Variants in PCDH11X observed in about 807,000 individuals in gnomAD.
PCDH11X encodes the protein protocadherin-11 X-linked.
PCDH11X carries 18 observed loss-of-function variants against 53.3 expected under a neutral mutation model. That is an observed-to-expected ratio of 0.34 (90% confidence interval 0.23 to 0.50). The LOEUF (loss-of-function observed/expected upper bound fraction) is 0.50, where lower values mean the gene tolerates loss of function less well. Among genes scored for constraint, PCDH11X ranks in the 20% least tolerant of loss-of-function variants. The probability of loss-of-function intolerance (pLI) is 0.98; values close to 1 mark genes in which losing one functional copy is unlikely to be tolerated. For missense variants in PCDH11X, 570 were observed against 1,032.4 expected (o/e 0.55, Z 6.14); for synonymous variants, 279 against 393.3 (o/e 0.71, Z 3.44).
chrX:91,999,797 T>C (rs1056981840), intron 6 of PCDH11X, among the ~76,000 whole-genome samples: 5 of 110,889 alleles, frequency 4.5e-5, no homozygotes, highest in Non-Finnish European at 9.4e-5. Context: ...GGCATATTTT[T>C]CTTTTTCATT....
intron 7 of PCDH11X, among the ~76,000 whole-genome samples, chrX:92,220,992 T>G (rs1284014674): frequency 1.1e-5 from 1 of 88,983 alleles, no homozygotes; most frequent in Non-Finnish European, 2.1e-5. Context: ...AGGTGGGAAT[T>G]GAACAATGAT....
intron 6 of PCDH11X, among the ~76,000 whole-genome samples, chrX:92,189,517 A>G (rs2066156295): frequency 9.0e-6 from 1 of 111,689 alleles, no homozygotes; most frequent in South Asian, 3.7e-4. Flanking sequence ...CAGTGCTGCA[A>G]TGAACATACA....
chrX:92,103,340 C>T (rs943933953), intron 6 of PCDH11X, among the ~76,000 whole-genome samples: 11 of 110,732 alleles, frequency 9.9e-5, no homozygotes, highest in African/African-American at 2.3e-4. Flanking sequence ...ATACCCACAA[C>T]AGTTATGGAG....
At chrX:92,501,833 A>G (rs1220942784) in intron 10 of PCDH11X, among the ~76,000 whole-genome samples, 1 of 111,182 alleles carries the variant, frequency 9.0e-6, no homozygotes, top group Non-Finnish European at 1.9e-5. Context: ...CCCTGTCACC[A>G]CTTCTATTCA....
intron 8 of PCDH11X, among the ~76,000 whole-genome samples, chrX:92,278,334 T>A (rs2068157373): frequency 9.1e-6 from 1 of 110,329 alleles, no homozygotes; most frequent in South Asian, 3.8e-4. Context: ...CTAAGGGAGG[T>A]CCCCCGATCT....
Position 91,835,687 on chromosome X carries a change from G to T in PCDH11X, c.183G>T (p.Met61Ile). The change falls in exon 5 of 11, where the codon ATG becomes ATT. Residue 61 changes from methionine (M) to isoleucine (I), a missense_variant. By Grantham distance (10) the Met-to-Ile change is conservative. Around this residue, in one of 6 missense-constraint regions of PCDH11X, gnomAD observed 84 missense variants for 142.0 expected, o/e 0.59. Coordinates refer to ENST00000682573, the MANE Select transcript of PCDH11X (RefSeq NM_032968.5). ...LIPNKSLTTA[M>I]QFKLVYKTGD... ...CAAACAAGTCCTTGACAACTGCTAT[G>T]CAGTTCAAGCTAGTGTACAAGACCG... The T allele has an allele frequency of 8.3e-7, 1 of 1,211,413 alleles. No homozygotes were observed. Among genetic ancestry groups the T allele is most frequent in the Non-Finnish European group, 1.1e-6 (1 of 895,463 alleles).
chrX:92,229,832 T>A (rs1603215017), intron 7 of PCDH11X, among the ~76,000 whole-genome samples: 1 of 111,388 alleles, frequency 9.0e-6, no homozygotes, highest in East Asian at 2.8e-4. Context: ...AGCAGCCTAG[T>A]TCCTGATATT....
intron 10 of PCDH11X, among the ~76,000 whole-genome samples, chrX:92,532,644 TCTC>T (rs1193828657): frequency 4.0e-5 from 3 of 75,546 alleles, no homozygotes; most frequent in Non-Finnish European, 5.1e-5. Context: ...AGAAGAAAGT[TCTC>T]CTCCTTCATT....
At chrX:91,824,362 C>T (rs1446991738) in intron 4 of PCDH11X, among the ~76,000 whole-genome samples, 1 of 109,844 alleles carries the variant, frequency 9.1e-6, no homozygotes, top group African/African-American at 3.3e-5. Context: ...TTCTTGGAGG[C>T]TTTGCTTGTT....
At chrX:91,884,361 T>C (rs1940101101) in intron 6 of PCDH11X, among the ~76,000 whole-genome samples, 1 of 110,924 alleles carries the variant, frequency 9.0e-6, no homozygotes, top group Admixed American at 9.7e-5. Context: ...ATATTTCTTA[T>C]ATTACGAAAC....
At chrX:92,258,629 A>T (rs1393987107) in intron 7 of PCDH11X, among the ~76,000 whole-genome samples, 1 of 111,374 alleles carries the variant, frequency 9.0e-6, no homozygotes, top group Admixed American at 9.5e-5. Context: ...GGCCTCCCAA[A>T]GTGCTGGGAT....
chrX:92,258,212 G>A (rs1049279780), intron 7 of PCDH11X, among the ~76,000 whole-genome samples: 8 of 111,034 alleles, frequency 7.2e-5, no homozygotes, highest in Non-Finnish European at 1.5e-4. Context: ...CAGTGCAGCA[G>A]GGTCCTCAGC....
chrX:92,453,709 C>G (rs1352759753), intron 9 of PCDH11X, among the ~76,000 whole-genome samples: 1 of 110,464 alleles, frequency 9.1e-6, no homozygotes, highest in African/African-American at 3.3e-5. Context: ...TTTTGAAAAC[C>G]AAAGAAGGTA....
intron 6 of PCDH11X, among the ~76,000 whole-genome samples, chrX:92,104,527 T>C: frequency 9.0e-6 from 1 of 111,282 alleles, no homozygotes; most frequent in East Asian, 2.8e-4. Context: ...AAATTGAAAG[T>C]GCCGTTTTCT....
chrX:92,275,619 C>G (rs988852685), intron 8 of PCDH11X, among the ~76,000 whole-genome samples: 32 of 111,589 alleles, frequency 2.9e-4, no homozygotes, highest in African/African-American at 8.1e-4. Context: ...GGGTTTGGCA[C>G]CATGGGGTGG....
At chrX:91,822,579 T>C (rs1936732477) in intron 4 of PCDH11X, among the ~76,000 whole-genome samples, 1 of 106,881 alleles carries the variant, frequency 9.4e-6, no homozygotes, top group Non-Finnish European at 1.9e-5. Flanking sequence ...TCTTTATTAG[T>C]CTTGCTAGCA....
intron 7 of PCDH11X, among the ~76,000 whole-genome samples, chrX:92,251,908 T>G (rs778300611): frequency 1.8e-5 from 2 of 111,349 alleles, no homozygotes; most frequent in South Asian, 7.6e-4. Flanking sequence ...TCATGTTATC[T>G]TTATTGTTAT....
intron 6 of PCDH11X, among the ~76,000 whole-genome samples, chrX:92,111,253 C>CAAAAAAAAAAAAAA: frequency 1.9e-5 from 1 of 52,399 alleles, no homozygotes; most frequent in African/African-American, 9.3e-5. Context: ...AAAAAAAAAT[C>CAAAAAAAAAAAAAA]AGCGTCAACT....
At chrX:91,998,008 A>T (rs2147955181) in intron 6 of PCDH11X, among the ~76,000 whole-genome samples, 1 of 107,399 alleles carries the variant, frequency 9.3e-6, no homozygotes, top group South Asian at 4.2e-4. Context: ...ATCTTAGCTC[A>T]CTGCAACCTC....
Sources: allele counts gnomAD v4.1 joint callset (sites outside exome capture counted in the v4.1 genomes callset), GRCh38; gene constraint gnomAD v4.1.1; regional missense constraint gnomAD v4.1.1; transcripts MANE v1.5; gene names NCBI Gene and HGNC (gene_info 2026-07-23, HGNC 2026-07-21).